The following KCNU1 variants were observed in gnomAD, a reference collection of about 807,000 sequenced individuals.
KCNU1 encodes the protein potassium channel subfamily U member 1.
A neutral mutation model predicts 126.8 loss-of-function variants in KCNU1; 93 were observed. The observed-to-expected ratio is 0.73, with a 90% CI of 0.62 to 0.87. The LOEUF is 0.87. KCNU1 is among the 40% of genes least tolerant of loss of function. The pLI is 0.00. For missense variants in KCNU1, 1,330 were observed against 1,367.1 expected, an observed-to-expected ratio of 0.97 and a Z score of 0.43; for synonymous variants, 523 against 494.2, an observed-to-expected ratio of 1.06 and a Z score of -0.77.
chr8:36,786,607 C>T (rs1300694497), intron 1 of KCNU1, among the ~76,000 whole-genome samples: 3 of 152,134 alleles, frequency 2.0e-5, no homozygotes, highest in African/African-American at 7.2e-5. Flanking sequence ...TGGTTCTAGA[C>T]TATTATCAAC....
chr8:36,815,546 A>G (rs1563272410), intron 8 of KCNU1, 50 bp from the exon 9 acceptor site: 1 of 902,000 alleles, frequency 1.1e-6, no homozygotes, highest in South Asian at 1.7e-5. Context: ...TTTTTGGAGT[A>G]TCCATCAAAA....
rs879039126 is a variant in KCNU1, at chr8:36,807,299, A to G, written c.581-76A>G. ...GAAGAAAAAGAATGTAAGTGATTCCAATGCTGTTATAACGTAGGCTCCCTC... is the reference window on the plus strand; with the variant it reads ...GAAGAAAAAGAATGTAAGTGATTCCGATGCTGTTATAACGTAGGCTCCCTC... On this transcript the variant is annotated intron_variant, in intron 5 of 26. Transcript: ENST00000399881. The G allele has an allele frequency of 5.5e-5, 53 of 956,816 alleles. 1 individual carries two copies. In the South Asian group the frequency reaches 6.8e-4, roughly 12 times the overall value. 59.3% of individuals were successfully genotyped at this position (956,816 alleles called of 1,614,324 possible). A position where few individuals can be genotyped will look rare whatever the true frequency, so the allele number is the denominator to read the frequency against.
intron 19 of KCNU1, among the ~76,000 whole-genome samples, chr8:36,882,102 C>A (rs1182271453): frequency 6.6e-6 from 1 of 152,314 alleles, no homozygotes; most frequent in South Asian, 2.1e-4. Context: ...TCTTACCACA[C>A]CTCTTGACTC....
At chr8:36,803,171 G>T (rs1803373042) in intron 2 of KCNU1, among the ~76,000 whole-genome samples, 2 of 152,108 alleles carry the variant, frequency 1.3e-5, no homozygotes. Context: ...ACCTAGAAAT[G>T]GTTAATAGAG....
At chr8:36,858,240 A>C (rs10216848) in intron 18 of KCNU1, among the ~76,000 whole-genome samples, 58,736 of 147,928 alleles carry the variant, frequency 0.4, 11,835 homozygotes, top group Admixed American at 0.44. Flanking sequence ...TTATCTACAT[A>C]CTGAAATCCC....
chr8:36,905,918 C>CA, intron 20 of KCNU1, 114 bp downstream of exon 20: 2 of 565,820 alleles, frequency 3.5e-6, no homozygotes, highest in Non-Finnish European at 3.1e-6. Context: ...GTGAATTTGT[C>CA]AAAAAAAGAA....
intron 10 of KCNU1, among the ~76,000 whole-genome samples, chr8:36,828,636 C>G (rs1001402670): frequency 6.6e-6 from 1 of 152,004 alleles, no homozygotes; most frequent in Non-Finnish European, 1.5e-5. Context: ...TCCCTCAGTT[C>G]CACTCTTCTT....
intron 4 of KCNU1, 78 bp downstream of exon 4, chr8:36,805,363 C>G: frequency 2.3e-6 from 2 of 866,214 alleles, no homozygotes; most frequent in Non-Finnish European, 3.7e-6. Context: ...GTGTCTCAGT[C>G]CTACAATCTG....
chr8:36,832,078 C>T (rs1465877357), intron 10 of KCNU1, among the ~76,000 whole-genome samples: 1 of 152,122 alleles, frequency 6.6e-6, no homozygotes, highest in African/African-American at 2.4e-5. Context: ...TGCAGATATG[C>T]AGCGTTATTT....
chr8:36,809,107 A>G (rs1281360272), intron 7 of KCNU1, among the ~76,000 whole-genome samples: 2 of 152,184 alleles, frequency 1.3e-5, no homozygotes, highest in Non-Finnish European at 2.9e-5. Context: ...CATTAAAAAA[A>G]GATTAAAAAG....
At chr8:36,790,727 G>C (rs542460593) in intron 2 of KCNU1, among the ~76,000 whole-genome samples, 5 of 152,034 alleles carry the variant, frequency 3.3e-5, no homozygotes, top group Admixed American at 6.6e-5. Context: ...CCTTCGATGA[G>C]AGACTTGGAT....
rs1807848381 is a variant in KCNU1 at position 36,910,980 on chromosome 8, C to T, written c.2382C>T (p.Cys794=). The stretch of plus-strand genomic sequence containing the variant: ...TCCATGCGGCCAACATAGAGCAATG[C>T]TCCATGTGTGCTGTCTTGTCCCCCC... ...GDLHAANIEQ[C]SMCAVLSPPP... Residue 794 remains cysteine, a synonymous_variant, in exon 22 of 27, where the codon TGC becomes TGT. Coordinates refer to ENST00000399881, the MANE Select transcript of KCNU1 (RefSeq NM_001031836.3). 1.2e-6 allele frequency: 2 copies of T among 1,613,656 alleles called. No homozygotes were observed. Among genetic ancestry groups the T allele is most frequent in the African/African-American group, 1.3e-5 (1 of 74,978 alleles).
At position 36,927,092 on chromosome 8, in the gene KCNU1, G is replaced by A. The variant is rs540869385; in HGVS notation, c.2737-3859G>A. 2.0e-4 allele frequency among the ~76,000 whole-genome samples: 31 copies of A among 152,098 alleles called. 1 individual carries two copies. The South Asian group carries it at 6.0e-3, about 30-fold the overall frequency. Reference sequence around the variant, plus strand: ...TAATAAACACCAAGAATAAATGTGCGAATCCCAAGAAGGCAACAAAGCCCA... The same window carrying A: ...TAATAAACACCAAGAATAAATGTGCAAATCCCAAGAAGGCAACAAAGCCCA... On this transcript the variant is annotated intron_variant, in intron 24 of 26. Transcript: ENST00000399881.
intron 19 of KCNU1, among the ~76,000 whole-genome samples, chr8:36,869,967 G>A (rs1806041968): frequency 6.6e-6 from 1 of 152,104 alleles, no homozygotes; most frequent in Non-Finnish European, 1.5e-5. Flanking sequence ...AGCCTGACAA[G>A]CATACCAGCA....
chr8:36,855,894 A>G (rs924281987), intron 18 of KCNU1, among the ~76,000 whole-genome samples: 25 of 152,162 alleles, frequency 1.6e-4, no homozygotes, highest in African/African-American at 6.0e-4. Flanking sequence ...TTTTTCTGAT[A>G]AGAAGTCAGC....
chr8:36,851,086 C>T (rs887351138), intron 18 of KCNU1, among the ~76,000 whole-genome samples: 2 of 152,084 alleles, frequency 1.3e-5, no homozygotes, highest in African/African-American at 4.8e-5. Flanking sequence ...CCATGTGGGT[C>T]AGGATCAATA....
chr8:36,924,314 T>C (rs746081894), intron 24 of KCNU1, among the ~76,000 whole-genome samples: 14 of 152,218 alleles, frequency 9.2e-5, no homozygotes, highest in Admixed American at 1.3e-4. Flanking sequence ...ACTTGCTGCC[T>C]CCTGGAGGTC....
chr8:36,833,631 T>C lies in KCNU1; in HGVS notation c.1184T>C (p.Met395Thr). Residue 395 changes from methionine to threonine, a missense_variant, in exon 11 of 27, where the codon ATG becomes ACG. This residue lies in a region of KCNU1 where 1,054 missense variants were observed against 1,053.9 expected (regional missense o/e 1.00). Coordinates refer to ENST00000399881, the MANE Select transcript of KCNU1 (RefSeq NM_001031836.3). ...ACAACGTTCATTTCTGGATCTGCAA[T>C]GAAGTGGGAGGATCTGAGGCGAGTT... ...AYTTFISGSA[M>T]KWEDLRRVAV... The C allele has an allele frequency of 6.2e-7, 1 of 1,611,490 alleles. No individual in the cohort carries two copies. Among genetic ancestry groups the C allele is most frequent in the Non-Finnish European group, 8.5e-7 (1 of 1,177,902 alleles).
At chr8:36,832,589 C>G (rs924549887) in intron 10 of KCNU1, among the ~76,000 whole-genome samples, 1 of 151,978 alleles carries the variant, frequency 6.6e-6, no homozygotes, top group Non-Finnish European at 1.5e-5. Context: ...CTTCTTTGTT[C>G]AATATTTGCA....
Sources: gnomAD v4.1 joint callset for allele counts (sites outside exome capture counted in the v4.1 genomes callset) on GRCh38, gnomAD v4.1.1 for gene constraint, gnomAD v4.1.1 regional missense constraint, MANE v1.5 for transcripts, NCBI Gene and HGNC (gene_info 2026-07-23, HGNC 2026-07-21) for gene names.